SDK1: variants seen among roughly 807,000 people sequenced by gnomAD.
The protein encoded by SDK1 is protein sidekick-1.
In SDK1, 157 loss-of-function variants were observed where a neutral mutation model predicts 245.5. The observed-to-expected ratio is 0.64, with a 90% CI of 0.56 to 0.73. The LOEUF (loss-of-function observed/expected upper bound fraction) is 0.73, where lower values mean the gene tolerates loss of function less well. SDK1 is among the 30% of genes least tolerant of loss of function. SDK1 has a pLI of 0.00. For missense variants in SDK1, 3,583 were observed against 3,002.3 expected, an observed-to-expected ratio of 1.19 and a Z score of -4.52; for synonymous variants, 1,647 against 1,278.5, an observed-to-expected ratio of 1.29 and a Z score of -6.15.
In SDK1 at chr7:4,178,495, G is replaced by A. The variant is rs1229811914; in HGVS notation, c.5007G>A (p.Lys1669=). 1.2e-6 allele frequency: 2 copies of A among 1,613,122 alleles called. No individual in the cohort carries two copies. Among genetic ancestry groups the A allele is most frequent in the South Asian group, 2.2e-5 (2 of 91,058 alleles). Residue 1669 remains lysine, a synonymous_variant, in exon 35 of 45, where the codon AAG becomes AAA. Coordinates refer to ENST00000404826, the MANE Select transcript of SDK1 (RefSeq NM_152744.4). ...CCTTCAACCCTGCAGATTTAAAGAA[G>A]TACCGGCGCTATGAAGTAATAATGA... The part of the protein sequence containing the change: ...STMCELTHLK[K]YRRYEVIMTA...
intron 5 of SDK1, among the ~76,000 whole-genome samples, chr7:3,880,852 G>A (rs1166014176): frequency 6.6e-6 from 1 of 152,102 alleles, no homozygotes; most frequent in African/African-American, 2.4e-5. Context: ...GGCAGCACTT[G>A]TTAGGAAATC....
At chr7:3,466,624 T>C (rs1475509738) in intron 1 of SDK1, among the ~76,000 whole-genome samples, 1 of 151,546 alleles carries the variant, frequency 6.6e-6, no homozygotes, top group Non-Finnish European at 1.5e-5. Flanking sequence ...TCCATATCCA[T>C]GTTTCATGTG....
intron 1 of SDK1, among the ~76,000 whole-genome samples, chr7:3,368,707 ACTGT>A (rs1248507280): frequency 6.6e-6 from 1 of 152,150 alleles, no homozygotes; most frequent in African/African-American, 2.4e-5. Flanking sequence ...GCATCAGGAC[ACTGT>A]CTGTGCCACC....
At chr7:3,767,771 G>C (rs1447597665) in intron 4 of SDK1, among the ~76,000 whole-genome samples, 2 of 151,968 alleles carry the variant, frequency 1.3e-5, no homozygotes, top group Non-Finnish European at 2.9e-5. Flanking sequence ...ATGGTATTTT[G>C]CCTCAAAAAA....
At chr7:3,593,765 C>T (rs574586211) in intron 1 of SDK1, among the ~76,000 whole-genome samples, 11 of 152,284 alleles carry the variant, frequency 7.2e-5, no homozygotes, top group African/African-American at 2.4e-4. Context: ...GGGCATATGG[C>T]ACAGTGGGTG....
intron 1 of SDK1, among the ~76,000 whole-genome samples, chr7:3,330,111 A>G (rs995900691): frequency 6.6e-6 from 1 of 151,910 alleles, no homozygotes; most frequent in Admixed American, 6.5e-5. Flanking sequence ...TGATTAACAG[A>G]TATTTGGGTT....
chr7:3,734,722 G>A (rs1779272745), intron 4 of SDK1, among the ~76,000 whole-genome samples: 1 of 152,232 alleles, frequency 6.6e-6, no homozygotes, highest in Admixed American at 6.5e-5. Flanking sequence ...CATCTGTAAT[G>A]AGTGCCGCTC....
Position 3,733,148 on chromosome 7 carries a change from A to G in SDK1, c.714-88302A>G, listed in dbSNP as rs373028614. Among the ~76,000 whole-genome samples, 34 of 152,304 alleles carry G rather than the reference A, an allele frequency of 2.2e-4. No individual in the cohort carries two copies. In the East Asian group the frequency reaches 5.2e-3, roughly 23 times the overall value. On this transcript the variant is annotated intron_variant, in intron 4 of 44. Transcript: ENST00000404826. ...AGTTTCTTGGAAAGAACGTTAGGTAACTATGGATGGCTCCCTGTGCAATGT... is the reference window on the plus strand; with the variant it reads ...AGTTTCTTGGAAAGAACGTTAGGTAGCTATGGATGGCTCCCTGTGCAATGT...
chr7:4,039,289 A>G (rs1011548008), intron 17 of SDK1, among the ~76,000 whole-genome samples: 2 of 148,756 alleles, frequency 1.3e-5, no homozygotes, highest in African/African-American at 2.5e-5. Flanking sequence ...GTACCGGAAA[A>G]CTTAAAGTAT....
At chr7:4,025,979 C>T (rs76369764) in intron 17 of SDK1, among the ~76,000 whole-genome samples, 20,110 of 152,238 alleles carry the variant, frequency 0.13, 1,420 homozygotes, top group Non-Finnish European at 0.16. Context: ...CTCCCCCTCC[C>T]CTGCTGGAAA....
chr7:4,162,238 G>A (rs1781180014), intron 32 of SDK1, among the ~76,000 whole-genome samples: 1 of 152,140 alleles, frequency 6.6e-6, no homozygotes, highest in East Asian at 1.9e-4. Flanking sequence ...CTACAAGGCA[G>A]TAAAACTGCA....
intron 4 of SDK1, among the ~76,000 whole-genome samples, chr7:3,802,280 T>G (rs1486773890): frequency 6.6e-6 from 1 of 152,058 alleles, no homozygotes; most frequent in African/African-American, 2.4e-5. Flanking sequence ...TCCCAGCACT[T>G]TGGGAGGCCG....
chr7:3,725,567 C>G (rs1333558496), intron 4 of SDK1, among the ~76,000 whole-genome samples: 2 of 152,198 alleles, frequency 1.3e-5, no homozygotes, highest in Non-Finnish European at 2.9e-5. Context: ...TTAGCTCACT[C>G]TTGCCACTCT....
intron 17 of SDK1, among the ~76,000 whole-genome samples, chr7:4,037,662 C>G (rs548802235): frequency 1.9e-4 from 29 of 152,222 alleles, no homozygotes; most frequent in African/African-American, 6.7e-4. Context: ...AAATGACATT[C>G]TGATTCCATA....
intron 1 of SDK1, among the ~76,000 whole-genome samples, chr7:3,402,025 A>G (rs1356193696): frequency 2.6e-5 from 4 of 152,192 alleles, no homozygotes; most frequent in African/African-American, 9.6e-5. Flanking sequence ...TGTGGGAGAT[A>G]TAAAAGAAGC....
intron 25 of SDK1, among the ~76,000 whole-genome samples, chr7:4,126,906 T>C (rs1446379734): frequency 6.6e-6 from 1 of 152,166 alleles, no homozygotes; most frequent in Non-Finnish European, 1.5e-5. Flanking sequence ...CTGAAGGCAG[T>C]TGGCACAGAC....
intron 5 of SDK1, among the ~76,000 whole-genome samples, chr7:3,865,470 A>G (rs553126038): frequency 1.3e-5 from 2 of 152,288 alleles, no homozygotes; most frequent in East Asian, 3.9e-4. Flanking sequence ...TAGCCACCAG[A>G]TAGAAACCAG....
intron 1 of SDK1, among the ~76,000 whole-genome samples, chr7:3,581,097 A>G (rs1228536699): frequency 6.6e-6 from 1 of 152,124 alleles, no homozygotes; most frequent in Non-Finnish European, 1.5e-5. Flanking sequence ...CACCAAAAGC[A>G]AAAGTTGACA....
intron 17 of SDK1, among the ~76,000 whole-genome samples, chr7:4,022,428 C>G (rs1786969988): frequency 6.6e-6 from 1 of 152,140 alleles, no homozygotes; most frequent in African/African-American, 2.4e-5. Context: ...TATCCGAATG[C>G]CCGGGAAAGA....
Sources: allele counts gnomAD v4.1 joint callset (sites outside exome capture counted in the v4.1 genomes callset), GRCh38; gene constraint gnomAD v4.1.1; transcripts MANE v1.5; gene names NCBI Gene and HGNC (gene_info 2026-07-23, HGNC 2026-07-21).